The following ARHGAP17 variants were observed in gnomAD, a reference collection of about 807,000 sequenced individuals.
The protein encoded by ARHGAP17 is Rho GTPase activating protein 17.
In ARHGAP17, 57 loss-of-function variants were observed where a neutral mutation model predicts 99.5. The observed-to-expected ratio is 0.57, with a 90% CI of 0.46 to 0.71. The LOEUF (loss-of-function observed/expected upper bound fraction) is 0.71, where lower values mean the gene tolerates loss of function less well. Ranked by LOEUF, ARHGAP17 falls within the 30% of genes least tolerant of loss-of-function variation. The pLI is 0.00. For missense variants in ARHGAP17, 1,000 were observed against 1,122.4 expected, an observed-to-expected ratio of 0.89 and a Z score of 1.56; for synonymous variants, 417 against 429.6, an observed-to-expected ratio of 0.97 and a Z score of 0.36.
Position 24,959,957 on chromosome 16 carries a change from T to C in ARHGAP17, c.596A>G (p.Tyr199Cys), listed in dbSNP as rs1429007383. Residue 199 changes from tyrosine to cysteine, a missense_variant, in exon 8 of 20, where the codon TAC (tyrosine) becomes TGC (cysteine). By Grantham distance (194) the Tyr-to-Cys change is radical (BLOSUM62 -2). This residue lies in a region of ARHGAP17 where 472 missense variants were observed against 611.1 expected (regional missense o/e 0.77). Coordinates refer to ENST00000289968, the MANE Select transcript of ARHGAP17 (RefSeq NM_001006634.3). ...QCKDQLAADM[Y>C]NFMAKEGEYG... ...CTCCCCTTCTTTGGCCATAAAGTTG[T>C]ACATGTCTGCTGCAAGTTGATCCTG... 1 of 1,614,084 alleles carries C rather than the reference T, an allele frequency of 6.2e-7. No homozygotes were observed. The highest frequency in any genetic ancestry group is 1.1e-5 in the South Asian group (1 of 91,072).
At chr16:25,013,920 C>G (rs928339341) in intron 1 of ARHGAP17, 17 of 152,182 alleles carry the variant, frequency 1.1e-4, no homozygotes, top group Admixed American at 4.6e-4. Flanking sequence ...CATTACCACA[C>G]GTCTACCTTC....
rs1171478735 is a variant in ARHGAP17, at chr16:24,947,599, G to C, written c.1128-4C>G. ...TGCAAGGAACTTGATCAAATATCTA[G>C]GGGTCAAAAGAGAAGGGGAGGGTTT... On this transcript the variant is annotated splice_region_variant and splice_polypyrimidine_tract_variant and intron_variant, in intron 13 of 19. Coordinates refer to ENST00000289968, the MANE Select transcript of ARHGAP17 (RefSeq NM_001006634.3). 7.5e-6 allele frequency: 12 copies of C among 1,606,448 alleles called. No individual in the cohort carries two copies. Among genetic ancestry groups the C allele is most frequent in the Non-Finnish European group, 1.0e-5 (12 of 1,177,796 alleles).
chr16:24,982,986 ATATATATATATTTTTTTTTTTT>A (rs1428800936), intron 1 of ARHGAP17, among the ~76,000 whole-genome samples: 2 of 28,934 alleles, frequency 6.9e-5, no homozygotes, highest in Non-Finnish European at 1.1e-4. Flanking sequence ...ATATATATAT[ATATATATATATTTTTTTTTTTT>A]TTTTTTTTTT....
intron 3 of ARHGAP17, among the ~76,000 whole-genome samples, chr16:24,974,853 A>C (rs954314476): frequency 6.6e-6 from 1 of 152,154 alleles, no homozygotes; most frequent in Non-Finnish European, 1.5e-5. Flanking sequence ...TTGGAGGATA[A>C]AATAAAAGCG....
intron 1 of ARHGAP17, among the ~76,000 whole-genome samples, chr16:24,982,990 ATATATATTTTTT>A (rs1361860501): frequency 1.2e-4 from 4 of 32,460 alleles, no homozygotes; most frequent in African/African-American, 3.8e-4. Context: ...ATATATATAT[ATATATATTTTTT>A]TTTTTTTTTT....
At chr16:24,995,638 C>G (rs1176807496) in intron 1 of ARHGAP17, among the ~76,000 whole-genome samples, 1 of 152,204 alleles carries the variant, frequency 6.6e-6, no homozygotes, top group Non-Finnish European at 1.5e-5. Flanking sequence ...CAATCCACCA[C>G]CAGGGTGGGC....
chr16:24,982,891 C>T (rs1209031563), intron 1 of ARHGAP17, among the ~76,000 whole-genome samples: 1 of 140,138 alleles, frequency 7.1e-6, no homozygotes, highest in Non-Finnish European at 1.5e-5. Flanking sequence ...AGACTGAATT[C>T]GTCAAGACAT....
intron 10 of ARHGAP17, among the ~76,000 whole-genome samples, chr16:24,953,644 C>G (rs1280848688): frequency 6.6e-6 from 1 of 152,204 alleles, no homozygotes. Context: ...GATTCCTGTA[C>G]AGCCTGTGGA....
intron 7 of ARHGAP17, among the ~76,000 whole-genome samples, chr16:24,962,541 C>A (rs770677959): frequency 2.0e-5 from 3 of 152,152 alleles, no homozygotes; most frequent in African/African-American, 7.2e-5. Flanking sequence ...AAACCCCAAA[C>A]TGATTTAAGT....
intron 3 of ARHGAP17, 45 bp downstream of exon 3, chr16:24,977,170 A>T: frequency 6.8e-7 from 1 of 1,462,672 alleles, no homozygotes; most frequent in Non-Finnish European, 9.2e-7. Flanking sequence ...GAAAAGCCTC[A>T]GAGAGACGCA....
At chr16:24,973,920 G>A (rs887246469) in intron 3 of ARHGAP17, among the ~76,000 whole-genome samples, 1 of 152,224 alleles carries the variant, frequency 6.6e-6, no homozygotes, top group Non-Finnish European at 1.5e-5. Flanking sequence ...TTGGGGACTG[G>A]TGAGTGTTAT....
chr16:24,978,914 A>T (rs2052595374), intron 2 of ARHGAP17, 52 bp downstream of exon 2: 1 of 1,402,006 alleles, frequency 7.1e-7, no homozygotes, highest in Non-Finnish European at 9.6e-7. Context: ...TCACATAGGA[A>T]TTTTTTTCCA....
rs138903857 is a variant in ARHGAP17, at chr16:24,931,329, G to A, written c.1970C>T (p.Ser657Leu). 2 of 1,516,860 alleles carry A rather than the reference G, an allele frequency of 1.3e-6. No homozygotes were observed. The highest frequency in any genetic ancestry group is 2.8e-5 in the African/African-American group (2 of 71,536). 94.0% of individuals were successfully genotyped at this position (1,516,860 alleles called of 1,614,324 possible). A position where few individuals can be genotyped will look rare whatever the true frequency, so the allele number is the denominator to read the frequency against. ...ACTGGGTGGATGCTGAGATGTTCCT[G>A]AAGAACTCTGGCCCCCGGGGTGGCC... is the stretch of plus-strand genomic sequence containing the variant. ...PPGHPGGQSS[S>L]GTSQHPPSLS... Residue 657 changes from serine (S) to leucine (L), a missense_variant, in exon 19 of 20, where the codon TCA becomes TTA. Physicochemically the swap from Ser to Leu is moderately radical, Grantham distance 145. Around this residue, in one of 2 missense-constraint regions of ARHGAP17, gnomAD observed 528 missense variants for 511.4 expected, o/e 1.03. Coordinates refer to ENST00000289968, the MANE Select transcript of ARHGAP17 (RefSeq NM_001006634.3).
At chr16:24,983,348 G>A (rs2052760387) in intron 1 of ARHGAP17, among the ~76,000 whole-genome samples, 3 of 150,768 alleles carry the variant, frequency 2.0e-5, no homozygotes. Context: ...TACCTCCCAT[G>A]CTGAGTGCAG....
intron 19 of ARHGAP17, chr16:24,920,501 AG>A (rs2050693710): frequency 2.3e-6 from 1 of 437,838 alleles, no homozygotes. Context: ...AGCCCGGAGC[AG>A]CCCTTGGAGA....
chr16:25,000,653 C>A (rs554375775), intron 1 of ARHGAP17, among the ~76,000 whole-genome samples: 1 of 152,338 alleles, frequency 6.6e-6, no homozygotes, highest in African/African-American at 2.4e-5. Flanking sequence ...TCAGAGGCTA[C>A]AATTCAGTCT....
rs1288955221 is a variant in ARHGAP17 at position 24,939,401 on chromosome 16, C to G, written c.1687G>C (p.Gly563Arg). The part of the protein sequence containing the change: ...SGGGTVPSSA[G>R]ILEQGPSPGD... ...GGGCTCGGCCCCTGCTCCAGTATGCCCGCGGAAGAGGGGACAGTCCCACCC... is the reference window on the plus strand; with the variant it reads ...GGGCTCGGCCCCTGCTCCAGTATGCGCGCGGAAGAGGGGACAGTCCCACCC... Residue 563 changes from glycine (G) to arginine (R), a missense_variant, in exon 17 of 20, where the codon GGC (glycine) becomes CGC (arginine). By Grantham distance (125) the Gly-to-Arg change is moderately radical. Transcript: ENST00000289968. The G allele has an allele frequency of 1.2e-6, 2 of 1,610,198 alleles. No homozygotes were observed. Among genetic ancestry groups the G allele is most frequent in the African/African-American group, 2.7e-5 (2 of 74,876 alleles).
rs547642804 is a variant in ARHGAP17 at position 24,960,408 on chromosome 16, G to T, written c.574-429C>A. On this transcript the variant is annotated intron_variant, in intron 7 of 19. Transcript: ENST00000289968. ...AAAAATACAAAAATTAGCCAGGCGT[G>T]GGGGCGGGCAGCTGTAATCCTAGCT... Among the ~76,000 whole-genome samples the T allele has an allele frequency of 3.9e-3, 595 of 152,274 alleles. 5 individuals are homozygous for T. The highest frequency in any genetic ancestry group is 0.01 in the Middle Eastern group (3 of 294).
chr16:24,969,652 C>T (rs919362819), intron 4 of ARHGAP17, among the ~76,000 whole-genome samples: 3 of 152,168 alleles, frequency 2.0e-5, no homozygotes, highest in African/African-American at 2.4e-5. Context: ...CATGCTAGCA[C>T]GCAGTATCAC....
Sources: gnomAD v4.1 joint callset for allele counts (sites outside exome capture counted in the v4.1 genomes callset) on GRCh38, gnomAD v4.1.1 for gene constraint, gnomAD v4.1.1 regional missense constraint, MANE v1.5 for transcripts, NCBI Gene and HGNC (gene_info 2026-07-23, HGNC 2026-07-21) for gene names.